Variants in HHAT observed in about 807,000 individuals in gnomAD.
The protein encoded by HHAT is hedgehog acyltransferase.
In HHAT, 47 loss-of-function variants were observed where a neutral mutation model predicts 70.8. That is an observed-to-expected ratio of 0.66 (90% CI 0.53 to 0.85). The LOEUF is 0.85. HHAT is among the 40% of genes least tolerant of loss of function. HHAT has a pLI of 0.00. For synonymous variants in HHAT, 228 were observed against 247.6 expected (o/e 0.92, Z 0.74); for missense variants, 609 against 604.8 (o/e 1.01, Z -0.07).
At chr1:210,598,952 A>T (rs1486780776) in intron 10 of HHAT, among the ~76,000 whole-genome samples, 3 of 152,084 alleles carry the variant, frequency 2.0e-5, no homozygotes, top group African/African-American at 7.2e-5. Context: ...CCAAGGCCTT[A>T]TTTGGGGATC....
chr1:210,400,424 C>T, intron 4 of HHAT, 44 bp from the exon 5 acceptor site: 2 of 1,533,484 alleles, frequency 1.3e-6, no homozygotes, highest in Non-Finnish European at 1.8e-6. Flanking sequence ...CCTCCCTCCC[C>T]TCTTCCTCCC....
At chr1:210,613,051 C>T (rs1666914335) in intron 10 of HHAT, among the ~76,000 whole-genome samples, 1 of 152,048 alleles carries the variant, frequency 6.6e-6, no homozygotes, top group Admixed American at 6.6e-5. Flanking sequence ...ATCTTTTCTC[C>T]CATTCCTGGG....
intron 9 of HHAT, among the ~76,000 whole-genome samples, chr1:210,537,363 C>T (rs2095384242): frequency 6.6e-6 from 1 of 152,146 alleles, no homozygotes; most frequent in African/African-American, 2.4e-5. Context: ...GGCTGCCCTT[C>T]CTTGTACAAA....
chr1:210,626,178 C>A (rs909946761), intron 11 of HHAT, among the ~76,000 whole-genome samples: 2 of 152,028 alleles, frequency 1.3e-5, no homozygotes, highest in Non-Finnish European at 2.9e-5. Flanking sequence ...TGGGAGAAAC[C>A]CCAGGGAATG....
chr1:210,656,377 T>C (rs142389073), intron 11 of HHAT, among the ~76,000 whole-genome samples: 1 of 151,076 alleles, frequency 6.6e-6, no homozygotes, highest in African/African-American at 2.4e-5. Flanking sequence ...CGCATGTGCT[T>C]TCTCTTACCC....
chr1:210,373,109 A>G (rs978080236), intron 3 of HHAT, among the ~76,000 whole-genome samples: 26 of 152,130 alleles, frequency 1.7e-4, no homozygotes, highest in Admixed American at 2.0e-4. Flanking sequence ...TGGACTCCTC[A>G]TTTGGATACT....
At chr1:210,620,067 C>T (rs961197321) in intron 10 of HHAT, among the ~76,000 whole-genome samples, 12 of 152,176 alleles carry the variant, frequency 7.9e-5, no homozygotes, top group Admixed American at 5.2e-4. Context: ...GCCTCCCACT[C>T]GTGAGGCTTG....
At chr1:210,569,185 C>G (rs1194762229) in intron 9 of HHAT, among the ~76,000 whole-genome samples, 1 of 151,708 alleles carries the variant, frequency 6.6e-6, no homozygotes, top group African/African-American at 2.4e-5. Flanking sequence ...ACCAGCCTGG[C>G]CAACATGGCG....
chr1:210,533,337 CAA>C (rs1308039619), intron 9 of HHAT, among the ~76,000 whole-genome samples: 1 of 85,770 alleles, frequency 1.2e-5, no homozygotes, highest in African/African-American at 3.4e-5. Context: ...CTGTCAACTC[CAA>C]GGGAAATGGG....
chr1:210,626,423 C>T (rs981371204), intron 11 of HHAT, among the ~76,000 whole-genome samples: 1 of 152,154 alleles, frequency 6.6e-6, no homozygotes, highest in Non-Finnish European at 1.5e-5. Context: ...GTGGAATCAT[C>T]TCTCTTCTGG....
At chr1:210,533,836 G>A (rs529758479) in intron 9 of HHAT, among the ~76,000 whole-genome samples, 1 of 152,274 alleles carries the variant, frequency 6.6e-6, no homozygotes, top group East Asian at 1.9e-4. Context: ...TGATAATTTA[G>A]TCTTACAAAC....
intron 9 of HHAT, among the ~76,000 whole-genome samples, chr1:210,586,969 CTCTTT>C (rs1660590084): frequency 1.3e-5 from 2 of 152,194 alleles, no homozygotes; most frequent in South Asian, 2.1e-4. Context: ...GAGCACAGAG[CTCTTT>C]TCTTTATTGT....
intron 7 of HHAT, among the ~76,000 whole-genome samples, chr1:210,448,853 ACT>A (rs981132626): frequency 1.3e-5 from 2 of 151,910 alleles, no homozygotes; most frequent in African/African-American, 4.8e-5. Context: ...GGTGGACCTG[ACT>A]CTCTATTCCC....
In HHAT at chr1:210,513,750, A is replaced by C. The variant is rs1181690741; in HGVS notation, c.1043+562A>C. 2.6e-5 allele frequency among the ~76,000 whole-genome samples: 4 copies of C among 152,254 alleles called. No homozygotes were observed. The East Asian group carries it at 7.7e-4, about 29-fold the overall frequency. On this transcript the variant is annotated intron_variant, in intron 9 of 11. Coordinates refer to ENST00000261458, the MANE Select transcript of HHAT (RefSeq NM_018194.6). ...CCAGCATATTAATCATAGTTTTAAGAATATGCATATTTTGTCTGCTATCAA... is the reference window on the plus strand; with the variant it reads ...CCAGCATATTAATCATAGTTTTAAGCATATGCATATTTTGTCTGCTATCAA...
chr1:210,529,374 C>T (rs181862583), intron 9 of HHAT, among the ~76,000 whole-genome samples: 22 of 150,938 alleles, frequency 1.5e-4, no homozygotes, highest in Non-Finnish European at 2.4e-4. Flanking sequence ...GTACATCAGA[C>T]AGAACACTGA....
At chr1:210,628,594 C>T (rs1298942929) in intron 11 of HHAT, among the ~76,000 whole-genome samples, 1 of 152,194 alleles carries the variant, frequency 6.6e-6, no homozygotes, top group Non-Finnish European at 1.5e-5. Context: ...CATGCCAAGG[C>T]AAGGAGAATT....
intron 9 of HHAT, among the ~76,000 whole-genome samples, chr1:210,522,774 C>A (rs1442773842): frequency 6.6e-6 from 1 of 152,030 alleles, no homozygotes; most frequent in Non-Finnish European, 1.5e-5. Flanking sequence ...CCCCCACCCC[C>A]CAATCCCACT....
In HHAT at chr1:210,369,743, G is replaced by A. The variant is rs989453863; in HGVS notation, c.159+6824G>A. 4 of 152,466 alleles carry A rather than the reference G, an allele frequency of 2.6e-5. 1 individual carries two copies. Among genetic ancestry groups the A allele is most frequent in the East Asian group, 3.9e-4 (2 of 5,188 alleles). The allele number at this position is 152,466 out of a possible 1,614,324, so 9.4% of individuals were successfully genotyped here. A position where few individuals can be genotyped will look rare whatever the true frequency, so the allele number is the denominator to read the frequency against. ...GACAGAGGGTGCAGAGAACCCCAGC[G>A]GCAGGGACTGAAGGGAGGTGATGGC... On this transcript the variant is annotated intron_variant, in intron 3 of 11. Coordinates refer to ENST00000261458, the MANE Select transcript of HHAT (RefSeq NM_018194.6).
chr1:210,576,888 CCTT>C (rs1657902990), intron 9 of HHAT, among the ~76,000 whole-genome samples: 1 of 151,998 alleles, frequency 6.6e-6, no homozygotes, highest in South Asian at 2.1e-4. Context: ...AAATCTTTGG[CCTT>C]CTTGGCTAAA....
Sources: gnomAD v4.1 joint callset for allele counts (sites outside exome capture counted in the v4.1 genomes callset) on GRCh38, gnomAD v4.1.1 for gene constraint, MANE v1.5 for transcripts, NCBI Gene and HGNC (gene_info 2026-07-23, HGNC 2026-07-21) for gene names.